CATSPERD: variants seen among roughly 807,000 people sequenced by gnomAD.
CATSPERD encodes the protein catsper channel auxiliary subunit delta.
CATSPERD carries 86 observed loss-of-function variants against 98.1 expected under a neutral mutation model. The ratio of observed to expected loss-of-function variants is 0.88; its 90% CI spans 0.74 to 1.05. CATSPERD has a LOEUF of 1.05. CATSPERD is among the 50% of genes least tolerant of loss of function. The probability of loss-of-function intolerance (pLI) is 0.00; values close to 1 mark genes in which losing one functional copy is unlikely to be tolerated. For missense variants in CATSPERD, 995 were observed against 1,005.7 expected, an observed-to-expected ratio of 0.99 and a Z score of 0.14; for synonymous variants, 394 against 390.2, an observed-to-expected ratio of 1.01 and a Z score of -0.12.
intron 18 of CATSPERD, 37 bp from the exon 19 acceptor site, chr19:5,770,907 C>G: frequency 6.4e-7 from 1 of 1,572,250 alleles, no homozygotes. Context: ...GGCAGGAACT[C>G]ACAGACTCCC....
At chr19:5,770,894 C>T (rs767502583) in intron 18 of CATSPERD, 50 bp from the exon 19 acceptor site, 2 of 1,549,200 alleles carry the variant, frequency 1.3e-6, no homozygotes, top group East Asian at 4.6e-5. Context: ...GGTTGGCAGA[C>T]TGGGCAGGAA....
rs1431246439 is a variant in CATSPERD, at chr19:5,720,755, G to C, written c.18G>C (p.Leu6=). 6.2e-7 allele frequency: 1 copy of C among 1,605,756 alleles called. No homozygotes were observed. The highest frequency in any genetic ancestry group is 1.3e-5 in the African/African-American group (1 of 74,926). MLMLM[L]VAAVTMWLRP... is the part of the protein sequence containing the mutation. Reference sequence around the variant, plus strand: ...CCAAGTCGATGCTGATGTTGATGCTGGTGGCGGCTGTGACCATGTGGCTCC... The same window carrying C: ...CCAAGTCGATGCTGATGTTGATGCTCGTGGCGGCTGTGACCATGTGGCTCC... Residue 6 remains leucine (L), a synonymous_variant, in exon 1 of 22, where the codon CTG becomes CTC. Transcript: ENST00000381624.
chr19:5,776,415 TC>T (rs1356493148), intron 21 of CATSPERD, 100 bp downstream of exon 21: 5 of 1,363,298 alleles, frequency 3.7e-6, no homozygotes, highest in Non-Finnish European at 5.1e-6. Flanking sequence ...AAACCTGAAT[TC>T]CCCCAACAGC....
intron 9 of CATSPERD, among the ~76,000 whole-genome samples, chr19:5,746,967 C>A (rs941347884): frequency 2.0e-5 from 3 of 151,874 alleles, no homozygotes; most frequent in African/African-American, 4.8e-5. Context: ...ATCTCAGCCT[C>A]CCAAGTAGCT....
chr19:5,722,375 C>G (rs1275357214), intron 1 of CATSPERD, among the ~76,000 whole-genome samples: 2 of 152,198 alleles, frequency 1.3e-5, no homozygotes, highest in African/African-American at 4.8e-5. Flanking sequence ...CTTGCCTCGG[C>G]CTCCCAACGT....
intron 12 of CATSPERD, among the ~76,000 whole-genome samples, chr19:5,753,315 C>T (rs1175847669): frequency 6.6e-6 from 1 of 151,652 alleles, no homozygotes; most frequent in Admixed American, 6.6e-5. Flanking sequence ...AATCCCAGCG[C>T]TTTGGGAGGC....
At chr19:5,769,483 T>A (rs1353521942) in intron 18 of CATSPERD, among the ~76,000 whole-genome samples, 1 of 151,850 alleles carries the variant, frequency 6.6e-6, no homozygotes, top group Non-Finnish European at 1.5e-5. Flanking sequence ...ACACTAGGGA[T>A]CCAGTTTCAG....
intron 18 of CATSPERD, 90 bp downstream of exon 18, chr19:5,768,332 A>AT: frequency 2.5e-6 from 2 of 797,848 alleles, no homozygotes; most frequent in East Asian, 3.8e-5. Context: ...TTATTTATTT[A>AT]TTTATTTATT....
intron 20 of CATSPERD, among the ~76,000 whole-genome samples, chr19:5,774,526 T>TAA (rs1044589981): frequency 1.3e-5 from 2 of 149,642 alleles, no homozygotes; most frequent in African/African-American, 4.9e-5. Context: ...CCGTCTCTAC[T>TAA]AAAAATACAA....
intron 4 of CATSPERD, among the ~76,000 whole-genome samples, chr19:5,730,432 A>G (rs1250320012): frequency 1.3e-5 from 2 of 151,950 alleles, no homozygotes; most frequent in African/African-American, 2.4e-5. Context: ...AGTCCCAGCT[A>G]CTTGGGAGGC....
intron 12 of CATSPERD, chr19:5,753,740 G>A (rs1293109814): frequency 1.5e-5 from 4 of 264,650 alleles, no homozygotes; most frequent in Middle Eastern, 1.3e-3. Flanking sequence ...GGGCATGGTG[G>A]TGCACGCCTG....
chr19:5,766,099 G>T lies in CATSPERD; in HGVS notation c.1507-4G>T. 6.2e-7 allele frequency: 1 copy of T among 1,612,316 alleles called. No homozygotes were observed. Among genetic ancestry groups the T allele is most frequent in the Non-Finnish European group, 8.5e-7 (1 of 1,179,076 alleles). On this transcript the variant is annotated splice_region_variant and splice_polypyrimidine_tract_variant and intron_variant, in intron 16 of 21. Coordinates refer to ENST00000381624, the MANE Select transcript of CATSPERD (RefSeq NM_152784.4). ...GTCCATATTTCTGTCTCTCTCCTCTGCAGTCGACACTGATTTCAGTTGGCT... is the reference window on the plus strand; with the variant it reads ...GTCCATATTTCTGTCTCTCTCCTCTTCAGTCGACACTGATTTCAGTTGGCT...
rs2056578362 is a variant in CATSPERD at position 5,768,180 on chromosome 19, C to T, written c.1572C>T (p.Ala524=). ...KKIVIQNKVS[A]CSMGILDPLT... is the part of the protein sequence containing the mutation. Reference sequence around the variant, plus strand: ...CTTTTGCTTGCAGCAAAGTTTCCGCCTGTTCCATGGGCATCCTGGACCCCT... The same window carrying T: ...CTTTTGCTTGCAGCAAAGTTTCCGCTTGTTCCATGGGCATCCTGGACCCCT... Residue 524 remains alanine, a synonymous_variant, in exon 18 of 22, where the codon GCC becomes GCT. Coordinates refer to ENST00000381624, the MANE Select transcript of CATSPERD (RefSeq NM_152784.4). The T allele has an allele frequency of 6.2e-7, 1 of 1,613,742 alleles. No homozygotes were observed. Among genetic ancestry groups the T allele is most frequent in the South Asian group, 1.1e-5 (1 of 91,080 alleles).
intron 4 of CATSPERD, among the ~76,000 whole-genome samples, chr19:5,730,891 C>T (rs2055702260): frequency 6.6e-6 from 1 of 152,018 alleles, no homozygotes; most frequent in Non-Finnish European, 1.5e-5. Flanking sequence ...GTCGCAGCTA[C>T]TTGGGAGGCT....
chr19:5,727,227 TG>T, intron 2 of CATSPERD, 40 bp from the exon 3 acceptor site: 1 of 1,446,136 alleles, frequency 6.9e-7, no homozygotes, highest in Non-Finnish European at 9.7e-7. Flanking sequence ...CAGCTGTTTA[TG>T]GTTATTGATA....
chr19:5,773,096 G>A (rs2056681036), intron 20 of CATSPERD, 131 bp downstream of exon 20: 8 of 882,006 alleles, frequency 9.1e-6, no homozygotes, highest in Non-Finnish European at 1.3e-5. Context: ...GCTCACGCCT[G>A]TAATCCCAGC....
intron 5 of CATSPERD, among the ~76,000 whole-genome samples, chr19:5,736,262 C>T (rs1389227315): frequency 6.6e-6 from 1 of 152,028 alleles, no homozygotes; most frequent in East Asian, 1.9e-4. Flanking sequence ...TGTCTGGAGA[C>T]ATTTTTGGTG....
rs753615039 is a variant in CATSPERD at position 5,745,966 on chromosome 19, T to C, written c.711T>C (p.Phe237=). ...TCAACCGGAGTTTCGGGCTGTCTTT[T>C]GACTATAATGGGACTCTAGACATCC... ...HPLNRSFGLS[F]DYNGTLDILI... The change falls in exon 9 of 22, where the codon TTT becomes TTC. Residue 237 remains phenylalanine, a synonymous_variant. Transcript: ENST00000381624. 3.7e-6 allele frequency: 6 copies of C among 1,614,128 alleles called. No homozygotes were observed. In the East Asian group the frequency reaches 1.1e-4, roughly 30 times the overall value.
At chr19:5,720,829 G>A in intron 1 of CATSPERD, 21 bp downstream of exon 1, 1 of 1,589,966 alleles carries the variant, frequency 6.3e-7, no homozygotes, top group Admixed American at 1.7e-5. Flanking sequence ...CAGGACTCCT[G>A]GGGCTGGGGT....
Sources: gnomAD v4.1 joint callset for allele counts (sites outside exome capture counted in the v4.1 genomes callset) on GRCh38, gnomAD v4.1.1 for gene constraint, MANE v1.5 for transcripts, NCBI Gene and HGNC (gene_info 2026-07-23, HGNC 2026-07-21) for gene names.